The following BCAR3 variants were observed in gnomAD, a reference collection of about 807,000 sequenced individuals.
The protein encoded by BCAR3 is BCAR3 adaptor protein, NSP family member, also known as breast cancer anti-estrogen resistance protein 3.
In BCAR3, 37 loss-of-function variants were observed where a neutral mutation model predicts 80.1. The ratio of observed to expected loss-of-function variants is 0.46; its 90% confidence interval spans 0.36 to 0.61. The LOEUF is 0.61. BCAR3 is among the 20% of genes least tolerant of loss of function. The pLI is 0.00. For missense variants in BCAR3, 978 were observed against 1,068.2 expected, an observed-to-expected ratio of 0.92 and a Z score of 1.18; for synonymous variants, 389 against 418.9, an observed-to-expected ratio of 0.93 and a Z score of 0.87.
In BCAR3 at chr1:93,665,789, C is replaced by A. The variant is rs116146672; in HGVS notation, c.317+8825G>T. On this transcript the variant is annotated intron_variant, in intron 2 of 11. Transcript: ENST00000260502. ...CTGATTCTCAGCAATCTACCATAACCCCCTTCCCTAAGAAAATGCAATCAA... is the reference window on the plus strand; with the variant it reads ...CTGATTCTCAGCAATCTACCATAACACCCTTCCCTAAGAAAATGCAATCAA... Among the ~76,000 whole-genome samples, 1,123 of 152,242 alleles carry A rather than the reference C, an allele frequency of 7.4e-3. 9 individuals carry two copies. The highest frequency in any genetic ancestry group is 0.026 in the African/African-American group (1,066 of 41,530).
chr1:93,622,473 C>A (rs1289928984), intron 3 of BCAR3, among the ~76,000 whole-genome samples: 2 of 152,134 alleles, frequency 1.3e-5, no homozygotes, highest in African/African-American at 2.4e-5. Context: ...ACACAGGCAG[C>A]AGATCTCATC....
chr1:93,844,210 G>A (rs1331293052), intron 2 of BCAR3, among the ~76,000 whole-genome samples: 1 of 152,176 alleles, frequency 6.6e-6, no homozygotes, highest in Non-Finnish European at 1.5e-5. Context: ...AGGAGGCTGA[G>A]GCAGGAGAAT....
intron 2 of BCAR3, among the ~76,000 whole-genome samples, chr1:93,822,042 G>A (rs1219743487): frequency 1.3e-5 from 2 of 152,212 alleles, no homozygotes; most frequent in Non-Finnish European, 2.9e-5. Flanking sequence ...GGATATGCTT[G>A]AAGAGAGTGT....
chr1:93,721,636 G>A (rs1272791252), intron 2 of BCAR3, among the ~76,000 whole-genome samples: 1 of 152,162 alleles, frequency 6.6e-6, no homozygotes, highest in Non-Finnish European at 1.5e-5. Context: ...TTCTATCTGT[G>A]CTCCAAGAAG....
chr1:93,837,237 T>A lies in BCAR3; in HGVS notation c.-63+8330A>T, dbSNP rs1189070192. Among the ~76,000 whole-genome samples, 3 of 152,094 alleles carry A rather than the reference T, an allele frequency of 2.0e-5. No homozygotes were observed. The South Asian group carries it at 6.2e-4, about 32-fold the overall frequency. ...GTCTCAAAAAAGTAAAAAATAAAAA[T>A]AAAAAAATAAATAAATTACCCTGTC... is the stretch of plus-strand genomic sequence containing the variant. On this transcript the variant is annotated intron_variant, in intron 2 of 13. Coordinates refer to the BCAR3 transcript ENST00000370244.
At chr1:93,781,492 G>A (rs1652760392) in intron 2 of BCAR3, among the ~76,000 whole-genome samples, 1 of 152,118 alleles carries the variant, frequency 6.6e-6, no homozygotes, top group South Asian at 2.1e-4. Flanking sequence ...TTTGAACATA[G>A]TGTAAAATAC....
chr1:93,713,970 G>T (rs920596859), intron 2 of BCAR3, among the ~76,000 whole-genome samples: 23 of 152,120 alleles, frequency 1.5e-4, no homozygotes, highest in African/African-American at 5.3e-4. Flanking sequence ...AAATTAGAAA[G>T]ACAATTTTTA....
chr1:93,796,764 G>C (rs532656599), intron 2 of BCAR3, among the ~76,000 whole-genome samples: 35 of 152,302 alleles, frequency 2.3e-4, no homozygotes, highest in African/African-American at 7.0e-4. Flanking sequence ...GTAAAAATTA[G>C]GAACCATGTT....
intron 3 of BCAR3, among the ~76,000 whole-genome samples, chr1:93,688,223 C>A (rs1471742951): frequency 6.6e-6 from 1 of 152,102 alleles, no homozygotes; most frequent in Non-Finnish European, 1.5e-5. Context: ...GCTTACTAAA[C>A]CTCAGTAAAT....
At chr1:93,693,267 T>TG (rs1269295942) in intron 3 of BCAR3, among the ~76,000 whole-genome samples, 4 of 152,230 alleles carry the variant, frequency 2.6e-5, no homozygotes, top group Admixed American at 2.6e-4. Context: ...AATAGCACTT[T>TG]GGGGGGCTAA....
intron 2 of BCAR3, among the ~76,000 whole-genome samples, chr1:93,752,629 A>G (rs183766131): frequency 6.6e-6 from 1 of 152,334 alleles, no homozygotes; most frequent in East Asian, 1.9e-4. Flanking sequence ...TCTCATTTGC[A>G]TTTGGACGCA....
chr1:93,845,439 T>C (rs114005241), intron 2 of BCAR3: 203 of 143,974 alleles, frequency 1.4e-3, no homozygotes, highest in African/African-American at 4.9e-3. Context: ...AGACATTTAA[T>C]TCATTAAAGG....
At chr1:93,799,644 A>G (rs1443836751) in intron 2 of BCAR3, among the ~76,000 whole-genome samples, 1 of 152,236 alleles carries the variant, frequency 6.6e-6, no homozygotes, top group Non-Finnish European at 1.5e-5. Flanking sequence ...TGTTCCAGCA[A>G]TTACAGGGTG....
chr1:93,758,029 G>A (rs559381009), intron 2 of BCAR3, among the ~76,000 whole-genome samples: 1 of 152,286 alleles, frequency 6.6e-6, no homozygotes, highest in South Asian at 2.1e-4. Context: ...GGGAAAGGAG[G>A]AGCCCTTGGT....
intron 3 of BCAR3, among the ~76,000 whole-genome samples, chr1:93,701,960 G>A (rs1311565028): frequency 1.3e-5 from 2 of 152,188 alleles, no homozygotes; most frequent in Admixed American, 6.5e-5. Context: ...GGCTGAGTGA[G>A]TGTAGTGGAA....
intron 3 of BCAR3, among the ~76,000 whole-genome samples, chr1:93,619,345 T>C (rs1213479667): frequency 6.6e-6 from 1 of 152,088 alleles, no homozygotes; most frequent in Non-Finnish European, 1.5e-5. Flanking sequence ...TAAGAACCCA[T>C]TCTCCCTCTT....
intron 2 of BCAR3, among the ~76,000 whole-genome samples, chr1:93,811,481 T>A (rs1414212479): frequency 6.6e-6 from 1 of 152,226 alleles, no homozygotes; most frequent in Non-Finnish European, 1.5e-5. Context: ...GAGACAGAGA[T>A]AAGTGCAAAC....
chr1:93,659,838 C>T (rs374986346), intron 2 of BCAR3, among the ~76,000 whole-genome samples: 5 of 152,172 alleles, frequency 3.3e-5, no homozygotes, highest in Admixed American at 3.3e-4. Flanking sequence ...CCCACCCACA[C>T]ACACAACTCA....
intron 2 of BCAR3, among the ~76,000 whole-genome samples, chr1:93,721,930 A>G (rs1026366986): frequency 1.3e-5 from 2 of 152,260 alleles, no homozygotes; most frequent in South Asian, 4.1e-4. Flanking sequence ...ATGCAGGAGC[A>G]CTTAGATCAG....
Sources: allele counts gnomAD v4.1 joint callset (sites outside exome capture counted in the v4.1 genomes callset), GRCh38; gene constraint gnomAD v4.1.1; transcripts MANE v1.5; gene names NCBI Gene and HGNC (gene_info 2026-07-23, HGNC 2026-07-21).